Variants in NRG3 observed in about 807,000 individuals in gnomAD.
The protein encoded by NRG3 is pro-neuregulin-3, membrane-bound isoform.
NRG3 carries 31 observed loss-of-function variants against 66.9 expected under a neutral mutation model. The observed-to-expected ratio is 0.46, with a 90% CI of 0.35 to 0.63. The LOEUF (loss-of-function observed/expected upper bound fraction) is 0.63. Ranked by LOEUF, NRG3 falls within the 20% of genes least tolerant of loss-of-function variation. The pLI, the probability that NRG3 is intolerant of heterozygous loss-of-function variation, is 0.00. For synonymous variants in NRG3, 393 were observed against 359.4 expected (o/e 1.09, Z -1.06); for missense variants, 910 against 878.9 (o/e 1.04, Z -0.45).
chr10:82,735,475 C>T (rs1252904778), intron 2 of NRG3, among the ~76,000 whole-genome samples: 2 of 152,150 alleles, frequency 1.3e-5, no homozygotes, highest in African/African-American at 2.4e-5. Flanking sequence ...TATTGCAACA[C>T]TATTTGCAAT....
intron 2 of NRG3, among the ~76,000 whole-genome samples, chr10:82,547,737 C>T (rs1196482831): frequency 6.6e-6 from 1 of 151,996 alleles, no homozygotes; most frequent in East Asian, 1.9e-4. Context: ...AGAATAGACT[C>T]CAGTTCTCCC....
chr10:82,357,356 G>A (rs2083848425), intron 1 of NRG3, among the ~76,000 whole-genome samples: 1 of 152,152 alleles, frequency 6.6e-6, no homozygotes, highest in Admixed American at 6.5e-5. Context: ...TAAACTGCTC[G>A]CTCACCATCA....
At chr10:82,358,953 C>G in intron 2 of NRG3, 85 bp downstream of exon 2, 1 of 1,574,964 alleles carries the variant, frequency 6.3e-7, no homozygotes, top group Non-Finnish European at 8.7e-7. Context: ...TGGTATGTGT[C>G]ATATCCGGGA....
intron 3 of NRG3, among the ~76,000 whole-genome samples, chr10:82,825,381 G>C (rs1259085670): frequency 6.6e-6 from 1 of 151,986 alleles, no homozygotes; most frequent in African/African-American, 2.4e-5. Context: ...TACTTTACAG[G>C]TATTGCTCCC....
At chr10:81,899,153 C>G (rs954007979) in intron 1 of NRG3, among the ~76,000 whole-genome samples, 4 of 152,184 alleles carry the variant, frequency 2.6e-5, no homozygotes, top group Non-Finnish European at 5.9e-5. Context: ...AACTCCGATT[C>G]TCCAAATTTG....
At chr10:82,805,665 T>C (rs2061248335) in intron 3 of NRG3, among the ~76,000 whole-genome samples, 2 of 152,066 alleles carry the variant, frequency 1.3e-5, no homozygotes, top group Admixed American at 1.3e-4. Context: ...GAGGCTGATG[T>C]ATTAGAGCAT....
At chr10:82,224,162 C>T (rs2076068443) in intron 1 of NRG3, 1 of 152,146 alleles carries the variant, frequency 6.6e-6, no homozygotes, top group African/African-American at 2.4e-5. Flanking sequence ...AGAGTTTAGG[C>T]ATTTATGTTC....
chr10:82,499,735 TATAAATCAC>T (rs764907715), intron 2 of NRG3, among the ~76,000 whole-genome samples: 1 of 152,190 alleles, frequency 6.6e-6, no homozygotes, highest in Non-Finnish European at 1.5e-5. Context: ...AGGTATAAGT[TATAAATCAC>T]CCATAATAGT....
Position 82,972,870 on chromosome 10 carries a change from G to GA in NRG3, c.1285-909dup, listed in dbSNP as rs200968714. Among the ~76,000 whole-genome samples, 41 of 149,484 alleles carry GA rather than the reference G, an allele frequency of 2.7e-4. No individual in the cohort carries two copies. In the East Asian group the frequency reaches 4.3e-3, roughly 16 times the overall value. On this transcript the variant is annotated intron_variant, in intron 6 of 8. Transcript: ENST00000372141. ...ACTGGCTTCTTTGCTTTTGAAATGA[G>GA]AAAAAAAAAGGTATACTGAGTTTTA... is the stretch of plus-strand genomic sequence containing the variant.
chr10:82,823,923 A>T (rs575095453), intron 3 of NRG3, among the ~76,000 whole-genome samples: 58 of 152,238 alleles, frequency 3.8e-4, no homozygotes, highest in African/African-American at 1.3e-3. Context: ...AGTTCTTCAA[A>T]CATCACCCCT....
chr10:82,952,890 G>A (rs1363144776), intron 5 of NRG3, among the ~76,000 whole-genome samples: 3 of 151,894 alleles, frequency 2.0e-5, no homozygotes, highest in Non-Finnish European at 4.4e-5. Flanking sequence ...ATTTCAGAAT[G>A]TTTTTTAGAT....
chr10:81,987,134 C>G (rs2060555238), intron 1 of NRG3, among the ~76,000 whole-genome samples: 2 of 151,912 alleles, frequency 1.3e-5, no homozygotes, highest in Admixed American at 1.3e-4. Context: ...GTTGCCTAGG[C>G]TGGAGTGCAG....
At chr10:82,586,251 A>AAC (rs1223901817) in intron 2 of NRG3, among the ~76,000 whole-genome samples, 1 of 151,946 alleles carries the variant, frequency 6.6e-6, no homozygotes, top group Non-Finnish European at 1.5e-5. Flanking sequence ...AAAAAAAAAA[A>AAC]AAACAAGAAA....
intron 2 of NRG3, among the ~76,000 whole-genome samples, chr10:82,430,385 A>G (rs1017652574): frequency 1.3e-5 from 2 of 151,600 alleles, no homozygotes; most frequent in African/African-American, 4.8e-5. Context: ...AGCCTCCCAC[A>G]TAGCTGGGAC....
chr10:82,413,132 T>C (rs2136172191), intron 2 of NRG3, among the ~76,000 whole-genome samples: 1 of 152,344 alleles, frequency 6.6e-6, no homozygotes, highest in African/African-American at 2.4e-5. Flanking sequence ...TCCAGAAGGT[T>C]TTCAATTTAC....
At chr10:81,886,021 G>T (rs976601867) in intron 1 of NRG3, among the ~76,000 whole-genome samples, 2 of 152,036 alleles carry the variant, frequency 1.3e-5, no homozygotes, top group Non-Finnish European at 2.9e-5. Flanking sequence ...TTTCGGGTGT[G>T]GGGGAGGTAG....
intron 1 of NRG3, among the ~76,000 whole-genome samples, chr10:82,054,152 G>C (rs1030025993): frequency 2.0e-5 from 3 of 152,202 alleles, no homozygotes; most frequent in African/African-American, 7.2e-5. Flanking sequence ...ACAGAGGAGT[G>C]AAGTGATTTG....
chr10:82,067,774 C>T (rs921640900), intron 1 of NRG3, among the ~76,000 whole-genome samples: 25 of 152,192 alleles, frequency 1.6e-4, no homozygotes, highest in Non-Finnish European at 3.5e-4. Context: ...AAGGGAGCCA[C>T]TCAAGAAACC....
chr10:82,354,359 C>A (rs976843392), intron 1 of NRG3, among the ~76,000 whole-genome samples: 8 of 150,670 alleles, frequency 5.3e-5, no homozygotes, highest in Non-Finnish European at 1.2e-4. Flanking sequence ...CTTTTTAACA[C>A]AAACAATTAG....
Sources: gnomAD v4.1 joint callset for allele counts (sites outside exome capture counted in the v4.1 genomes callset) on GRCh38, gnomAD v4.1.1 for gene constraint, MANE v1.5 for transcripts, NCBI Gene and HGNC (gene_info 2026-07-23, HGNC 2026-07-21) for gene names.